The following DIABLO variants were observed in gnomAD, a reference collection of about 807,000 sequenced individuals.
DIABLO encodes diablo homolog, mitochondrial.
DIABLO carries 32 observed loss-of-function variants against 31.7 expected under a neutral mutation model. The ratio of observed to expected loss-of-function variants is 1.01; its 90% CI spans 0.76 to 1.35. The LOEUF (loss-of-function observed/expected upper bound fraction) is 1.35, where lower values mean the gene tolerates loss of function less well. Among genes scored for constraint, DIABLO ranks in the 40% most tolerant of loss-of-function variants. The pLI is 0.00. For missense variants in DIABLO, 316 were observed against 286.4 expected, an observed-to-expected ratio of 1.10 and a Z score of -0.75; for synonymous variants, 132 against 103.2, an observed-to-expected ratio of 1.28 and a Z score of -1.69.
At chr12:122,215,399 CA>C (rs1954185744) in intron 5 of DIABLO, among the ~76,000 whole-genome samples, 1 of 151,700 alleles carries the variant, frequency 6.6e-6, no homozygotes, top group Admixed American at 6.6e-5. Flanking sequence ...GCCAACATGG[CA>C]AAACCCCTTC....
intron 2 of DIABLO, among the ~76,000 whole-genome samples, chr12:122,219,014 C>G (rs530747233): frequency 1.3e-5 from 2 of 149,534 alleles, no homozygotes; most frequent in Non-Finnish European, 3.0e-5. Context: ...GCAGGCAGAT[C>G]ACGAGGTCAG....
At chr12:122,223,192 TG>T (rs1362250940) in intron 2 of DIABLO, among the ~76,000 whole-genome samples, 7 of 152,198 alleles carry the variant, frequency 4.6e-5, no homozygotes, top group Admixed American at 1.3e-4. Flanking sequence ...CCCAGCACCT[TG>T]GGATGCCGAG....
intron 2 of DIABLO, among the ~76,000 whole-genome samples, chr12:122,224,017 C>G (rs1593182404): frequency 6.6e-6 from 1 of 152,156 alleles, no homozygotes; most frequent in East Asian, 1.9e-4. Flanking sequence ...CTAGGCTGGT[C>G]TCAAACTCCT....
At chr12:122,219,971 TCTCA>T (rs1324970478) in intron 2 of DIABLO, among the ~76,000 whole-genome samples, 2 of 147,706 alleles carry the variant, frequency 1.4e-5, no homozygotes, top group African/African-American at 2.5e-5. Flanking sequence ...TGAGACAGAG[TCTCA>T]CTCTATCACC....
intron 5 of DIABLO, among the ~76,000 whole-genome samples, chr12:122,214,181 A>AAAATGTTT (rs1954153592): frequency 6.6e-6 from 1 of 152,184 alleles, no homozygotes; most frequent in African/African-American, 2.4e-5. Flanking sequence ...CTTACCTTAA[A>AAAATGTTT]AAATGTTTTA....
At chr12:122,225,627 C>T in intron 1 of DIABLO, 5 of 1,279,516 alleles carry the variant, frequency 3.9e-6, no homozygotes, top group South Asian at 1.6e-5. Flanking sequence ...TTCCCGGACT[C>T]CCCCCATGCC....
At chr12:122,217,934 C>T (rs1954250984) in intron 3 of DIABLO, 1 of 321,216 alleles carries the variant, frequency 3.1e-6, no homozygotes, top group Non-Finnish European at 5.9e-6. Context: ...ATATCAGCTT[C>T]ACTCCTGTTT....
At chr12:122,212,576 C>T (rs985316038) in intron 5 of DIABLO, among the ~76,000 whole-genome samples, 18 of 151,558 alleles carry the variant, frequency 1.2e-4, no homozygotes, top group Non-Finnish European at 1.0e-4. Context: ...TGGGATTTTG[C>T]TCTGAATCTT....
intron 5 of DIABLO, among the ~76,000 whole-genome samples, chr12:122,214,873 TAG>T (rs1954170705): frequency 6.6e-6 from 1 of 152,154 alleles, no homozygotes; most frequent in Non-Finnish European, 1.5e-5. Context: ...GTATTTTTAG[TAG>T]AGACAGGGTT....
rs75514319 is a variant in DIABLO at position 122,211,708 on chromosome 12, T to C, written c.524-3131A>G. On this transcript the variant is annotated intron_variant, in intron 5 of 5. Transcript: ENST00000464942. ...AAACAAATTCTGTTCTAATCCTTAA[T>C]AGCTTTAATAGCTTTAATTTTTTTG... is the stretch of plus-strand genomic sequence containing the variant. Among the ~76,000 whole-genome samples the C allele has an allele frequency of 2.7e-4, 41 of 152,136 alleles. No homozygotes were observed. In the East Asian group the frequency reaches 6.2e-3, roughly 23 times the overall value.
intron 2 of DIABLO, among the ~76,000 whole-genome samples, chr12:122,219,953 T>TA (rs1322418758): frequency 4.6e-5 from 7 of 151,432 alleles, no homozygotes; most frequent in African/African-American, 1.7e-4. Flanking sequence ...TATTTTATTT[T>TA]TTTTTTTTGA....
chr12:122,209,619 C>G (rs542888625), intron 5 of DIABLO: 3 of 618,936 alleles, frequency 4.8e-6, no homozygotes, highest in African/African-American at 3.7e-5. Context: ...GAGCTGAGAT[C>G]GCGCCACTTC....
At chr12:122,212,735 C>T (rs1009908455) in intron 5 of DIABLO, among the ~76,000 whole-genome samples, 3 of 151,848 alleles carry the variant, frequency 2.0e-5, no homozygotes, top group African/African-American at 7.3e-5. Flanking sequence ...CGCCATTCTC[C>T]TGCCTCAGCC....
intron 5 of DIABLO, chr12:122,208,928 A>G (rs1954009689): frequency 2.6e-6 from 1 of 378,080 alleles, no homozygotes; most frequent in Admixed American, 3.6e-5. Context: ...GAGATCATGA[A>G]TAAAATTGTC....
chr12:122,211,711 C>T (rs9971771), intron 5 of DIABLO, among the ~76,000 whole-genome samples: 8,037 of 152,042 alleles, frequency 0.053, 540 homozygotes, highest in African/African-American at 0.15. Context: ...TCCTTAATAG[C>T]TTTAATAGCT....
chr12:122,220,120 A>G (rs987597266), intron 2 of DIABLO, among the ~76,000 whole-genome samples: 17 of 151,224 alleles, frequency 1.1e-4, no homozygotes, highest in African/African-American at 3.9e-4. Flanking sequence ...TTTTTTTGGT[A>G]TATTTAGTAG....
intron 5 of DIABLO, among the ~76,000 whole-genome samples, chr12:122,209,305 G>A (rs1954021335): frequency 6.6e-6 from 1 of 151,742 alleles, no homozygotes; most frequent in Admixed American, 6.6e-5. Flanking sequence ...GAAGGCTGAA[G>A]TGAGCCAAGA....
intron 5 of DIABLO, among the ~76,000 whole-genome samples, chr12:122,209,177 A>G (rs1954017440): frequency 6.6e-6 from 1 of 152,128 alleles, no homozygotes; most frequent in Non-Finnish European, 1.5e-5. Flanking sequence ...CCTGGCTAAC[A>G]TGGTGAACCC....
intron 5 of DIABLO, among the ~76,000 whole-genome samples, chr12:122,212,135 C>T (rs1022597320): frequency 1.3e-5 from 2 of 151,870 alleles, no homozygotes; most frequent in African/African-American, 4.8e-5. Context: ...TGCACGTGGC[C>T]CAATTTTGTA....
Sources: allele counts gnomAD v4.1 joint callset (sites outside exome capture counted in the v4.1 genomes callset), GRCh38; gene constraint gnomAD v4.1.1; transcripts MANE v1.5; gene names NCBI Gene and HGNC (gene_info 2026-07-23, HGNC 2026-07-21).